Variants in RBM22 observed in about 807,000 individuals in gnomAD.
The protein encoded by RBM22 is pre-mRNA-splicing factor RBM22.
In RBM22, 1 loss-of-function variant was observed where a neutral mutation model predicts 50.1. That is an observed-to-expected ratio of 0.02 (90% CI 0.01 to 0.09). The LOEUF (loss-of-function observed/expected upper bound fraction) is 0.09. Among genes scored for constraint, RBM22 ranks in the 10% least tolerant of loss-of-function variants. The pLI is 1.00. For missense variants in RBM22, 264 were observed against 529.3 expected (o/e 0.50, Z 4.92); for synonymous variants, 152 against 179.0 (o/e 0.85, Z 1.20).
At chr5:150,698,745 G>C in intron 3 of RBM22, 114 bp from the exon 4 acceptor site, 1 of 1,328,274 alleles carries the variant, frequency 7.5e-7, no homozygotes, top group Non-Finnish European at 1.0e-6. Context: ...ATTTAGAAGA[G>C]ACCTTAGCAA....
chr5:150,697,012 ACT>A (rs1759284952), intron 4 of RBM22, 121 bp from the exon 5 acceptor site: 1 of 926,962 alleles, frequency 1.1e-6, no homozygotes, highest in Non-Finnish European at 1.7e-6. Flanking sequence ...CAGAGACTTT[ACT>A]ATGTTTTTAT....
Position 150,691,740 on chromosome 5 carries a change from G to A in RBM22, c.*11C>T. The A allele has an allele frequency of 1.3e-6, 2 of 1,539,564 alleles. No individual in the cohort carries two copies. The highest frequency in any genetic ancestry group is 1.4e-5 in the African/African-American group (1 of 72,264). Reference sequence around the variant, plus strand: ...CTTTCTTCCACAGAGCCCCAGAGTGGTGACAAGGTGCTAGGGGCTGCTGTG... The same window carrying A: ...CTTTCTTCCACAGAGCCCCAGAGTGATGACAAGGTGCTAGGGGCTGCTGTG... On this transcript the variant is annotated 3_prime_UTR_variant, in exon 11 of 11. Coordinates refer to ENST00000199814, the MANE Select transcript of RBM22 (RefSeq NM_018047.3).
At position 150,693,009 on chromosome 5, in the gene RBM22, C is replaced by T; in HGVS notation, c.1018G>A (p.Ala340Thr). The stretch of plus-strand genomic sequence containing the variant: ...TTGGCAGAGGCTTCTTCTTCTGCTG[C>T]AGGAGGAGGAGGAAGAGCTGGAGGA... The part of the protein sequence containing the change: ...GLPGALPPPP[A>T]AEEEASANYF... The change falls in exon 10 of 11, where the codon GCA becomes ACA. Residue 340 changes from alanine to threonine, a missense_variant. By Grantham distance (58) the Ala-to-Thr change is moderately conservative (BLOSUM62 0). Around this residue, in one of 7 missense-constraint regions of RBM22, gnomAD observed 106 missense variants for 137.1 expected, o/e 0.77. Transcript: ENST00000199814. 6.2e-7 allele frequency: 1 copy of T among 1,610,978 alleles called. No individual in the cohort carries two copies. The highest frequency in any genetic ancestry group is 8.5e-7 in the Non-Finnish European group (1 of 1,178,740).
rs780506053 is a variant in RBM22, at chr5:150,696,701, G to T, written c.377C>A (p.Ser126Tyr). ...YYTQNMEREI[S>Y]NSDGTRPVGM... ...AACTGGCCGTGTTCCATCAGAGTTA[G>T]AAATCTAAGTGGGGATGACAAATTC... Residue 126 changes from serine to tyrosine, a missense_variant, in exon 6 of 11, where the codon TCT (serine) becomes TAT (tyrosine). Coordinates refer to ENST00000199814, the MANE Select transcript of RBM22 (RefSeq NM_018047.3). The surrounding 1 kb of genome is among the most constrained non-coding windows in gnomAD (Gnocchi z 4.3). 13 of 1,614,068 alleles carry T rather than the reference G, an allele frequency of 8.1e-6. No homozygotes were observed. The East Asian group carries it at 2.7e-4, about 33-fold the overall frequency.
chr5:150,701,037 C>T lies in RBM22; in HGVS notation c.-52G>A, dbSNP rs2151458429. ...GCTTCCGAATTGGGAGAGAGGACCG[C>T]CACAATCCCGTCAAGCCCCGAGGCT... is the stretch of plus-strand genomic sequence containing the variant. On this transcript the variant is annotated 5_prime_UTR_variant, in exon 1 of 11. Transcript: ENST00000199814. 1 of 1,611,598 alleles carries T rather than the reference C, an allele frequency of 6.2e-7. No homozygotes were observed.
At position 150,691,831 on chromosome 5, in the gene RBM22, G is replaced by T. The variant is rs1340755137; in HGVS notation, c.1183C>A (p.Arg395=). Residue 395 remains arginine (R), a synonymous_variant, in exon 11 of 11, where the codon CGG becomes AGG. Coordinates refer to ENST00000199814, the MANE Select transcript of RBM22 (RefSeq NM_018047.3). ...HPMGPPPPFM[R]APGPIHYPSQ... ...GGATAGTGGATTGGTCCTGGAGCCC[G>T]CATGAAAGGAGGGGGTGGTCCCATT... is the stretch of plus-strand genomic sequence containing the variant. The T allele has an allele frequency of 6.3e-7, 1 of 1,599,978 alleles. No homozygotes were observed. The highest frequency in any genetic ancestry group is 1.3e-5 in the African/African-American group (1 of 74,644).
In RBM22 at chr5:150,697,027, A is replaced by G. The variant is rs182980829; in HGVS notation, c.272-136T>C. Reference sequence around the variant, plus strand: ...CAGAGACTTTACTATGTTTTTATTCAAACTCTTTAGCACCATCAGGTTACT... The same window carrying G: ...CAGAGACTTTACTATGTTTTTATTCGAACTCTTTAGCACCATCAGGTTACT... On this transcript the variant is annotated intron_variant, in intron 4 of 10. Coordinates refer to ENST00000199814, the MANE Select transcript of RBM22 (RefSeq NM_018047.3). 217 of 830,754 alleles carry G rather than the reference A, an allele frequency of 2.6e-4. 1 individual carries two copies. In the African/African-American group the frequency reaches 3.6e-3, roughly 14 times the overall value. The allele number at this position is 830,754 out of a possible 1,614,324, so 51.5% of individuals were successfully genotyped here. A position where few individuals can be genotyped will look rare whatever the true frequency, so the allele number is the denominator to read the frequency against.
intron 2 of RBM22, among the ~76,000 whole-genome samples, chr5:150,699,476 T>C (rs1759317399): frequency 6.6e-6 from 1 of 152,178 alleles, no homozygotes; most frequent in Non-Finnish European, 1.5e-5. Flanking sequence ...TTATAAGTGA[T>C]AACATCTCAA....
At chr5:150,700,734 T>C (rs1195741069) in intron 1 of RBM22, 198 bp downstream of exon 1, 1 of 1,537,354 alleles carries the variant, frequency 6.5e-7, no homozygotes, top group Non-Finnish European at 8.7e-7. Context: ...AGGGTGCTGG[T>C]CCCGGGACCC....
chr5:150,696,940 T>A lies in RBM22; in HGVS notation c.272-49A>T, dbSNP rs758036484. 1 of 1,536,288 alleles carries A rather than the reference T, an allele frequency of 6.5e-7. No homozygotes were observed. The highest frequency in any genetic ancestry group is 1.7e-5 in the Admixed American group (1 of 59,304). On this transcript the variant is annotated intron_variant, in intron 4 of 10. Coordinates refer to ENST00000199814, the MANE Select transcript of RBM22 (RefSeq NM_018047.3). The surrounding 1 kb of genome is among the most constrained non-coding windows in gnomAD (Gnocchi z 4.3). ...GACCTCAGATGTATTTTAAAACATA[T>A]CCATACTAACCATGCACACAGAATA...
At chr5:150,698,345 T>C (rs1759303505) in intron 4 of RBM22, among the ~76,000 whole-genome samples, 154 bp downstream of exon 4, 1 of 152,198 alleles carries the variant, frequency 6.6e-6, no homozygotes, top group African/African-American at 2.4e-5. Context: ...TAGAGTGGCC[T>C]AATTATGGTT....
Position 150,698,436 on chromosome 5 carries a change from A to G in RBM22, c.271+63T>C, listed in dbSNP as rs893210888. On this transcript the variant is annotated intron_variant, in intron 4 of 10. Coordinates refer to ENST00000199814, the MANE Select transcript of RBM22 (RefSeq NM_018047.3). ...AGCTAGGGTGCGAAGTGGGAGACAA[A>G]AGACTGACTTGTAGTTTTAGGCACC... 21 of 1,571,960 alleles carry G rather than the reference A, an allele frequency of 1.3e-5. No individual in the cohort carries two copies. In the African/African-American group the frequency reaches 2.8e-4, roughly 21 times the overall value.
At chr5:150,693,477 C>T (rs538520202) in intron 8 of RBM22, among the ~76,000 whole-genome samples, 170 bp from the exon 9 acceptor site, 8 of 152,262 alleles carry the variant, frequency 5.3e-5, no homozygotes, top group Admixed American at 5.2e-4. Flanking sequence ...GGTTTTGACA[C>T]CAGAAAAGAC....
intron 2 of RBM22, 74 bp downstream of exon 2, chr5:150,700,370 G>C (rs949282520): frequency 7.0e-7 from 1 of 1,426,668 alleles, no homozygotes; most frequent in African/African-American, 1.4e-5. Context: ...TTGTCTAAGA[G>C]AAACACTTCA....
chr5:150,700,307 CT>C, intron 2 of RBM22, 136 bp downstream of exon 2: 1 of 797,966 alleles, frequency 1.3e-6, no homozygotes, highest in Non-Finnish European at 2.0e-6. Flanking sequence ...CATGACAGTT[CT>C]TTGCAAGTCG....
Position 150,700,924 on chromosome 5 carries a change from A to C in RBM22, c.54+8T>G, listed in dbSNP as rs1374149342. Reference sequence around the variant, plus strand: ...CTCCTTCCATCCTCCTCCGGCAGGCACACTCACCGCATCCTCCCAGTTCTG... The same window carrying C: ...CTCCTTCCATCCTCCTCCGGCAGGCCCACTCACCGCATCCTCCCAGTTCTG... On this transcript the variant is annotated splice_region_variant and intron_variant, in intron 1 of 10. Transcript: ENST00000199814. The C allele has an allele frequency of 6.2e-7, 1 of 1,614,136 alleles. No individual in the cohort carries two copies. The highest frequency in any genetic ancestry group is 1.1e-5 in the South Asian group (1 of 91,086).
chr5:150,695,594 T>G lies in RBM22; in HGVS notation c.658A>C (p.Met220Leu), dbSNP rs1269872282. Residue 220 changes from methionine to leucine, a missense_variant, in exon 7 of 11, where the codon ATG (methionine) becomes CTG (leucine). Met to Leu is a conservative substitution (Grantham distance 15). Coordinates refer to ENST00000199814, the MANE Select transcript of RBM22 (RefSeq NM_018047.3). ...ADKLLKRAST[M>L]PRLDPPEDKT... The stretch of plus-strand genomic sequence containing the variant: ...TCCTCTGGTGGGTCCAGCCGAGGCA[T>G]TGTTGAAGCCCGCTTTAGAAGCTTG... The G allele has an allele frequency of 2.5e-6, 4 of 1,613,738 alleles. No individual in the cohort carries two copies. The highest frequency in any genetic ancestry group is 3.4e-6 in the Non-Finnish European group (4 of 1,179,860).
chr5:150,691,976 TA>T, intron 10 of RBM22, 95 bp from the exon 11 acceptor site: 1 of 1,275,856 alleles, frequency 7.8e-7, no homozygotes. Flanking sequence ...CACCTACACA[TA>T]AATCAAGGTT....
Position 150,691,608 on chromosome 5 carries a change from G to T in RBM22, c.*143C>A. On this transcript the variant is annotated 3_prime_UTR_variant, in exon 11 of 11. Transcript: ENST00000199814. ...CTTTGAACAAGTATAGGAAAGCATG[G>T]CTGTCAGTCTCTGACTGCTCACATC... is the stretch of plus-strand genomic sequence containing the variant. The T allele has an allele frequency of 2.0e-6, 2 of 976,166 alleles. No individual in the cohort carries two copies. Among genetic ancestry groups the T allele is most frequent in the Non-Finnish European group, 2.8e-6 (2 of 714,138 alleles). 60.5% of individuals were successfully genotyped at this position (976,166 alleles called of 1,614,324 possible). A position where few individuals can be genotyped will look rare whatever the true frequency, so the allele number is the denominator to read the frequency against.
Sources: allele counts gnomAD v4.1 joint callset (sites outside exome capture counted in the v4.1 genomes callset), GRCh38; gene constraint gnomAD v4.1.1; regional missense constraint gnomAD v4.1.1; non-coding constraint Gnocchi (gnomAD v3.1); transcripts MANE v1.5; gene names NCBI Gene and HGNC (gene_info 2026-07-23, HGNC 2026-07-21).